Variants in RBMS3 observed in about 807,000 individuals in gnomAD.
The protein encoded by RBMS3 is RNA-binding motif, single-stranded-interacting protein 3.
RBMS3 carries 27 observed loss-of-function variants against 66.8 expected under a neutral mutation model. The observed-to-expected ratio is 0.40, with a 90% CI of 0.30 to 0.56. The LOEUF (loss-of-function observed/expected upper bound fraction) is 0.56. Ranked by LOEUF, RBMS3 falls within the 20% of genes least tolerant of loss-of-function variation. RBMS3 has a pLI of 0.40. For synonymous variants in RBMS3, 188 were observed against 183.0 expected, an observed-to-expected ratio of 1.03 and a Z score of -0.22; for missense variants, 513 against 549.5, an observed-to-expected ratio of 0.93 and a Z score of 0.66.
At chr3:29,566,883 G>A (rs987671821) in intron 3 of RBMS3, among the ~76,000 whole-genome samples, 15 of 151,864 alleles carry the variant, frequency 9.9e-5, no homozygotes, top group African/African-American at 3.1e-4. Flanking sequence ...CACTGAAATG[G>A]CATTTATCAT....
chr3:29,816,333 C>T (rs1257099458), intron 6 of RBMS3, among the ~76,000 whole-genome samples: 1 of 146,584 alleles, frequency 6.8e-6, no homozygotes, highest in African/African-American at 2.5e-5. Flanking sequence ...CACACACACA[C>T]ACACACACAC....
intron 4 of RBMS3, among the ~76,000 whole-genome samples, chr3:29,592,099 A>G (rs1477155637): frequency 9.1e-6 from 1 of 109,870 alleles, no homozygotes; most frequent in African/African-American, 3.8e-5. Flanking sequence ...AAAAAAAAAT[A>G]AAAAAAACCA....
rs867991678 is a variant in RBMS3 at position 29,743,730 on chromosome 3, C to T, written c.557+3853C>T. ...GGGTGAGACTCAATTATTTGCATTT[C>T]TTTTTTTTTTTTTTAAATTTTATTA... is the stretch of plus-strand genomic sequence containing the variant. On this transcript the variant is annotated intron_variant, in intron 5 of 14. Coordinates refer to ENST00000383767, the MANE Select transcript of RBMS3 (RefSeq NM_001003793.3). Among the ~76,000 whole-genome samples, 532 of 136,844 alleles carry T rather than the reference C, an allele frequency of 3.9e-3. 6 individuals carry two copies. The highest frequency in any genetic ancestry group is 0.02 in the Middle Eastern group (5 of 254). The allele number at this position is 136,844 out of a possible 152,430, so 89.8% of individuals were successfully genotyped here.
At chr3:29,285,197 G>A (rs892859734) in intron 1 of RBMS3, among the ~76,000 whole-genome samples, 13 of 120,436 alleles carry the variant, frequency 1.1e-4, no homozygotes, top group Non-Finnish European at 3.3e-5. Flanking sequence ...GATCCCAGCT[G>A]AATTTCATTC....
At chr3:29,874,187 A>G (rs1000041608) in intron 7 of RBMS3, among the ~76,000 whole-genome samples, 6 of 152,182 alleles carry the variant, frequency 3.9e-5, no homozygotes, top group Non-Finnish European at 7.3e-5. Context: ...CAACATTTCT[A>G]TTAGCTTTGA....
At chr3:29,720,037 C>T (rs981711274) in intron 4 of RBMS3, among the ~76,000 whole-genome samples, 4 of 152,010 alleles carry the variant, frequency 2.6e-5, no homozygotes, top group Non-Finnish European at 4.4e-5. Context: ...TGTAGACCCA[C>T]ATGGCCCACA....
chr3:29,727,441 G>A (rs542136497), intron 4 of RBMS3, among the ~76,000 whole-genome samples: 3 of 152,198 alleles, frequency 2.0e-5, no homozygotes, highest in South Asian at 4.2e-4. Flanking sequence ...ACTACAGAAT[G>A]GGAGAAAATT....
chr3:29,636,056 G>T (rs1157036245), intron 4 of RBMS3, among the ~76,000 whole-genome samples: 2 of 151,756 alleles, frequency 1.3e-5, no homozygotes, highest in African/African-American at 4.8e-5. Flanking sequence ...GTGTGTGTGT[G>T]TGTGTGTGTG....
At chr3:29,477,486 T>C (rs931744624) in intron 2 of RBMS3, among the ~76,000 whole-genome samples, 1 of 139,600 alleles carries the variant, frequency 7.2e-6, no homozygotes, top group African/African-American at 2.8e-5. Context: ...CAAACAAAAT[T>C]ATGCTCTGCT....
intron 6 of RBMS3, among the ~76,000 whole-genome samples, chr3:29,865,085 A>G (rs1232997498): frequency 2.0e-5 from 2 of 98,020 alleles, no homozygotes; most frequent in Admixed American, 9.4e-5. Flanking sequence ...AGGAAGGAAG[A>G]AAGGAAGGGA....
chr3:29,500,418 AAT>A (rs955102153), intron 3 of RBMS3, among the ~76,000 whole-genome samples: 6 of 148,406 alleles, frequency 4.0e-5, no homozygotes, highest in East Asian at 1.9e-4. Context: ...GTGAAATATA[AAT>A]ATATATATAT....
chr3:29,612,660 T>G (rs1325358477), intron 4 of RBMS3, among the ~76,000 whole-genome samples: 1 of 152,022 alleles, frequency 6.6e-6, no homozygotes, highest in Non-Finnish European at 1.5e-5. Context: ...ACTGCTCCTT[T>G]AAGGCCCTTT....
chr3:29,450,114 T>C (rs1034133868), intron 2 of RBMS3, among the ~76,000 whole-genome samples: 2 of 152,202 alleles, frequency 1.3e-5, no homozygotes, highest in Admixed American at 6.5e-5. Flanking sequence ...CTGTCTAACA[T>C]GGCCAAGGGG....
At chr3:29,965,087 T>C (rs1696737853) in intron 12 of RBMS3, among the ~76,000 whole-genome samples, 1 of 152,200 alleles carries the variant, frequency 6.6e-6, no homozygotes, top group South Asian at 2.1e-4. Context: ...CTATCATATA[T>C]ACATACCACA....
chr3:29,358,754 T>C (rs2037383477), intron 1 of RBMS3, among the ~76,000 whole-genome samples: 1 of 152,170 alleles, frequency 6.6e-6, no homozygotes, highest in Non-Finnish European at 1.5e-5. Flanking sequence ...CTTGAAGAGG[T>C]CCTTCACATC....
intron 4 of RBMS3, among the ~76,000 whole-genome samples, chr3:29,631,430 A>G (rs1286126754): frequency 6.6e-6 from 1 of 151,950 alleles, no homozygotes; most frequent in African/African-American, 2.4e-5. Flanking sequence ...TTCTTGAGTC[A>G]TCTGATAGCT....
intron 4 of RBMS3, among the ~76,000 whole-genome samples, chr3:29,736,654 A>G (rs1421442458): frequency 6.6e-6 from 1 of 152,336 alleles, no homozygotes; most frequent in Non-Finnish European, 1.5e-5. Context: ...GAGGAACTCC[A>G]AAGCTCTGGG....
At chr3:29,584,255 G>A (rs2047432480) in intron 3 of RBMS3, among the ~76,000 whole-genome samples, 1 of 151,990 alleles carries the variant, frequency 6.6e-6, no homozygotes, top group Admixed American at 6.6e-5. Flanking sequence ...TGAGACATCT[G>A]ATTCCCTTTT....
intron 1 of RBMS3, among the ~76,000 whole-genome samples, chr3:29,421,957 A>T (rs895439343): frequency 6.6e-6 from 1 of 152,220 alleles, no homozygotes; most frequent in Non-Finnish European, 1.5e-5. Flanking sequence ...AACAATCCAT[A>T]TTATAAAAAT....
Sources: allele counts gnomAD v4.1 joint callset (sites outside exome capture counted in the v4.1 genomes callset), GRCh38; gene constraint gnomAD v4.1.1; transcripts MANE v1.5; gene names NCBI Gene and HGNC (gene_info 2026-07-23, HGNC 2026-07-21).